Variants in ROBO2 observed in about 807,000 individuals in gnomAD.
ROBO2 encodes roundabout homolog 2.
A neutral mutation model predicts 160.8 loss-of-function variants in ROBO2; 53 were observed. That is an observed-to-expected ratio of 0.33 (90% CI 0.26 to 0.41). ROBO2 has a LOEUF of 0.41. Among genes scored for constraint, ROBO2 ranks in the 10% least tolerant of loss-of-function variants. The pLI is 1.00. For synonymous variants in ROBO2, 664 were observed against 611.7 expected (o/e 1.09, Z -1.26); for missense variants, 1,577 against 1,722.4 (o/e 0.92, Z 1.49).
chr3:76,423,618 T>C (rs1034867841), intron 2 of ROBO2, among the ~76,000 whole-genome samples: 2 of 152,106 alleles, frequency 1.3e-5, no homozygotes, highest in African/African-American at 4.8e-5. Flanking sequence ...GATCACCAGA[T>C]GATTAAATGT....
chr3:76,693,884 A>G (rs2092869226), intron 2 of ROBO2, among the ~76,000 whole-genome samples: 1 of 152,304 alleles, frequency 6.6e-6, no homozygotes, highest in Non-Finnish European at 1.5e-5. Context: ...GATGAGCTTC[A>G]GTCTCCTTAC....
In ROBO2 at chr3:77,071,320, G is replaced by A. The variant is rs889509674; in HGVS notation, c.62-26694G>A. On this transcript the variant is annotated intron_variant, in intron 1 of 25. Coordinates refer to ENST00000461745, the Ensembl canonical transcript of ROBO2. The stretch of plus-strand genomic sequence containing the variant: ...CATTTTAGAAACACCTGCTCATTCA[G>A]TAAAAATATGTCAGTAAAGTCTAAA... Among the ~76,000 whole-genome samples the A allele has an allele frequency of 3.9e-5, 6 of 152,108 alleles. No homozygotes were observed. In the East Asian group the frequency reaches 9.7e-4, roughly 24 times the overall value.
At chr3:76,176,288 T>C (rs1255875495) in intron 2 of ROBO2, among the ~76,000 whole-genome samples, 1 of 152,146 alleles carries the variant, frequency 6.6e-6, no homozygotes, top group Non-Finnish European at 1.5e-5. Flanking sequence ...ATACTCTGAA[T>C]AGTGTGTGAA....
intron 2 of ROBO2, among the ~76,000 whole-genome samples, chr3:76,061,124 G>C (rs1311051272): frequency 6.6e-6 from 1 of 152,148 alleles, no homozygotes; most frequent in Non-Finnish European, 1.5e-5. Flanking sequence ...CAATGTCAAG[G>C]TGACTTCACA....
At chr3:75,974,513 T>A (rs1413160168) in intron 2 of ROBO2, among the ~76,000 whole-genome samples, 1 of 151,568 alleles carries the variant, frequency 6.6e-6, no homozygotes, top group Non-Finnish European at 1.5e-5. Flanking sequence ...ATTAATTAAG[T>A]AAAATTTATC....
chr3:77,505,575 A>T (rs1056109163), intron 5 of ROBO2, among the ~76,000 whole-genome samples: 1 of 152,108 alleles, frequency 6.6e-6, no homozygotes, highest in Non-Finnish European at 1.5e-5. Flanking sequence ...TGAGTTAAGG[A>T]GAGGAAAAAT....
intron 2 of ROBO2, among the ~76,000 whole-genome samples, chr3:76,426,676 G>A (rs1425814083): frequency 6.6e-6 from 1 of 152,010 alleles, no homozygotes; most frequent in Non-Finnish European, 1.5e-5. Flanking sequence ...TTGATTTTTT[G>A]TGCTTTTCTT....
At chr3:77,396,924 T>C (rs909411540) in intron 2 of ROBO2, among the ~76,000 whole-genome samples, 1 of 152,096 alleles carries the variant, frequency 6.6e-6, no homozygotes, top group African/African-American at 2.4e-5. Context: ...TCCTTTGAGG[T>C]CCATAGTAAA....
At chr3:77,316,758 T>C in intron 2 of ROBO2, 1 of 1,103,948 alleles carries the variant, frequency 9.1e-7, no homozygotes, top group Non-Finnish European at 1.4e-6. Flanking sequence ...TCATTCATGC[T>C]TGAAATTTCA....
chr3:77,433,486 G>GTACACATATATATATATATATATATATA (rs1325507347), intron 2 of ROBO2, among the ~76,000 whole-genome samples: 2 of 99,402 alleles, frequency 2.0e-5, no homozygotes, highest in Non-Finnish European at 4.2e-5. Flanking sequence ...CTGGCAACTT[G>GTACACATATATATATATATATATATATA]TATATATATA....
At chr3:76,125,853 G>A (rs935871291) in intron 2 of ROBO2, among the ~76,000 whole-genome samples, 1 of 152,038 alleles carries the variant, frequency 6.6e-6, no homozygotes, top group East Asian at 1.9e-4. Flanking sequence ...TTGACATGGA[G>A]TCTTGCTTTG....
chr3:76,681,850 TA>T (rs1318908093), intron 2 of ROBO2, among the ~76,000 whole-genome samples: 2 of 152,094 alleles, frequency 1.3e-5, no homozygotes, highest in Admixed American at 6.6e-5. Flanking sequence ...AAGGAGATGT[TA>T]GAGAGATAGG....
At chr3:77,607,714 G>C in intron 20 of ROBO2, 84 bp from the exon 22 acceptor site, 1 of 1,255,874 alleles carries the variant, frequency 8.0e-7, no homozygotes, top group Non-Finnish European at 1.2e-6. Context: ...CTGGTGTTTT[G>C]AAACATAAAT....
At chr3:77,607,268 A>T in intron 20 of ROBO2, among the ~76,000 whole-genome samples, 1 of 152,206 alleles carries the variant, frequency 6.6e-6, no homozygotes, top group East Asian at 1.9e-4. Context: ...GTATCTTCGC[A>T]AAATATTTAC....
chr3:77,238,698 G>A (rs1345345648), intron 2 of ROBO2, among the ~76,000 whole-genome samples: 1 of 152,034 alleles, frequency 6.6e-6, no homozygotes, highest in Non-Finnish European at 1.5e-5. Flanking sequence ...TAATACTATG[G>A]TAATATTTAA....
intron 2 of ROBO2, among the ~76,000 whole-genome samples, chr3:77,176,605 T>C (rs1241754289): frequency 2.0e-5 from 3 of 151,990 alleles, no homozygotes; most frequent in African/African-American, 7.2e-5. Context: ...ATTTTATGAA[T>C]TGATTCTTAT....
rs182006666 is a variant in ROBO2, at chr3:76,560,631, G to T, written c.110-537383G>T. ...TCTGATTTCACAAAAAAAAAAAAAA[G>T]AAAAGAAAAGAAAACTCACATTACT... On this transcript the variant is annotated intron_variant, in intron 2 of 26. Transcript: ENST00000487694. Among the ~76,000 whole-genome samples the T allele has an allele frequency of 6.2e-3, 876 of 142,336 alleles. 12 individuals carry two copies. The highest frequency in any genetic ancestry group is 0.021 in the African/African-American group (810 of 38,914). The allele number at this position is 142,336 out of a possible 152,430, so 93.4% of individuals were successfully genotyped here.
intron 2 of ROBO2, among the ~76,000 whole-genome samples, chr3:76,457,108 A>C (rs1273400958): frequency 6.6e-6 from 1 of 152,170 alleles, no homozygotes; most frequent in African/African-American, 2.4e-5. Context: ...AAAACCAACC[A>C]TGCCTTCCTA....
At chr3:77,512,640 A>T (rs978784447) in intron 5 of ROBO2, among the ~76,000 whole-genome samples, 1 of 151,966 alleles carries the variant, frequency 6.6e-6, no homozygotes, top group African/African-American at 2.4e-5. Flanking sequence ...ACATTACACT[A>T]TGTGACATTT....
Sources: gnomAD v4.1 joint callset for allele counts (sites outside exome capture counted in the v4.1 genomes callset) on GRCh38, gnomAD v4.1.1 for gene constraint, MANE v1.5 for transcripts, NCBI Gene and HGNC (gene_info 2026-07-23, HGNC 2026-07-21) for gene names.